The following SAMD5 variants were observed in gnomAD, a reference collection of about 807,000 sequenced individuals.
SAMD5 encodes sterile alpha motif domain-containing protein 5.
Under a neutral mutation model 11.3 loss-of-function variants are expected in SAMD5, and 13 were observed. The ratio of observed to expected loss-of-function variants is 1.15; its 90% CI spans 0.75 to 1.83. SAMD5 has a LOEUF of 1.83. Among genes scored for constraint, SAMD5 ranks in the 40% most tolerant of loss-of-function variants. SAMD5 has a pLI of 0.00. For synonymous variants in SAMD5, 129 were observed against 111.3 expected (o/e 1.16, Z -1.00); for missense variants, 255 against 239.1 (o/e 1.07, Z -0.44).
the SAMD5 span, among the ~76,000 whole-genome samples, chr6:147,751,736 A>T: frequency 1.3e-5 from 2 of 152,218 alleles, no homozygotes; most frequent in Non-Finnish European, 2.9e-5. Context: ...GGTGCAAAAG[A>T]GTTGAGTTTC....
At chr6:147,544,721 A>T (rs1182932692) in intron 1 of SAMD5, among the ~76,000 whole-genome samples, 1 of 152,078 alleles carries the variant, frequency 6.6e-6, no homozygotes, top group East Asian at 1.9e-4. Context: ...ATTCTATATG[A>T]TTTTTACTCT....
the SAMD5 span, among the ~76,000 whole-genome samples, chr6:147,788,023 CA>C: frequency 6.6e-6 from 1 of 152,146 alleles, no homozygotes; most frequent in Middle Eastern, 3.2e-3. Context: ...TAATGTGAGA[CA>C]GTAATTTGAA....
intron 1 of SAMD5, among the ~76,000 whole-genome samples, chr6:147,728,217 G>C (rs1354593259): frequency 6.6e-6 from 1 of 152,116 alleles, no homozygotes; most frequent in African/African-American, 2.4e-5. Context: ...CTTGAGGTCA[G>C]GAGTTTGAGA....
chr6:147,672,755 TC>T (rs1790812171), intron 1 of SAMD5, among the ~76,000 whole-genome samples: 1 of 152,158 alleles, frequency 6.6e-6, no homozygotes. Flanking sequence ...TACTGCTCTT[TC>T]TTGGTATTTC....
intron 1 of SAMD5, among the ~76,000 whole-genome samples, chr6:147,513,056 A>C (rs1021430721): frequency 8.6e-5 from 13 of 151,662 alleles, no homozygotes; most frequent in African/African-American, 3.2e-4. Flanking sequence ...GTGTGTGCAA[A>C]GGCCAGGAAG....
intron 1 of SAMD5, among the ~76,000 whole-genome samples, chr6:147,654,593 GT>G: frequency 6.6e-6 from 1 of 152,192 alleles, no homozygotes; most frequent in South Asian, 2.1e-4. Flanking sequence ...TTCAGAGAAT[GT>G]TTTTTCTTCC....
intron 1 of SAMD5, among the ~76,000 whole-genome samples, chr6:147,621,859 G>C (rs1326130972): frequency 1.3e-5 from 2 of 150,968 alleles, no homozygotes; most frequent in Non-Finnish European, 3.0e-5. Flanking sequence ...ACCAACTGGA[G>C]AGCCATGTGT....
chr6:147,943,366 C>G, the SAMD5 span, among the ~76,000 whole-genome samples: 9 of 152,212 alleles, frequency 5.9e-5, no homozygotes, highest in African/African-American at 2.2e-4. Flanking sequence ...ATTTGCTGCT[C>G]TAAGCTTCAA....
At chr6:147,691,809 G>A (rs1271131287) in intron 1 of SAMD5, among the ~76,000 whole-genome samples, 3 of 152,028 alleles carry the variant, frequency 2.0e-5, no homozygotes, top group Non-Finnish European at 1.5e-5. Flanking sequence ...GTCACAGGAA[G>A]TTTTTCCAGT....
chr6:147,558,903 A>T lies in SAMD5; in HGVS notation c.460-5491A>T, dbSNP rs7767875. Among the ~76,000 whole-genome samples the T allele has an allele frequency of 4.4e-3, 672 of 152,282 alleles. 4 individuals are homozygous for T. Among genetic ancestry groups the T allele is most frequent in the African/African-American group, 0.015 (633 of 41,562 alleles). ...CCATGGAATCCTTCCACTCCGCCTGAAAATATGCCCAAGCTCCCTCTTCGT... is the reference window on the plus strand; with the variant it reads ...CCATGGAATCCTTCCACTCCGCCTGTAAATATGCCCAAGCTCCCTCTTCGT... On this transcript the variant is annotated intron_variant, in intron 1 of 1. Transcript: ENST00000367474.
chr6:147,558,575 C>T (rs1442829472), intron 1 of SAMD5, among the ~76,000 whole-genome samples: 1 of 152,136 alleles, frequency 6.6e-6, no homozygotes, highest in African/African-American at 2.4e-5. Flanking sequence ...TCACAGCTCT[C>T]TTGGTGGCTA....
the SAMD5 span, among the ~76,000 whole-genome samples, chr6:147,927,572 A>G: frequency 1.3e-5 from 2 of 152,150 alleles, no homozygotes; most frequent in East Asian, 1.9e-4. Flanking sequence ...AGCTGAGACT[A>G]TGGGGTTTTC....
rs542724228 is a variant in SAMD5, at chr6:147,520,384, TG to T, written c.459+10998del. On this transcript the variant is annotated intron_variant, in intron 1 of 1. Coordinates refer to ENST00000367474, the MANE Select transcript of SAMD5 (RefSeq NM_001030060.3). Reference sequence around the variant, plus strand: ...GATCCACCTGCCTGGCCTCCCAAAGTGCTGGGATTACAGCCGCCATGCCCGG... The same window carrying T: ...GATCCACCTGCCTGGCCTCCCAAAGTCTGGGATTACAGCCGCCATGCCCGG... 1.9e-3 allele frequency among the ~76,000 whole-genome samples: 288 copies of T among 152,302 alleles called. 1 individual carries two copies. The highest frequency in any genetic ancestry group is 6.5e-3 in the African/African-American group (269 of 41,576).
chr6:147,742,710 G>A, the SAMD5 span, among the ~76,000 whole-genome samples: 1 of 152,178 alleles, frequency 6.6e-6, no homozygotes, highest in East Asian at 1.9e-4. Context: ...GAATGTAACA[G>A]AGGCTTCCCG....
intron 1 of SAMD5, among the ~76,000 whole-genome samples, chr6:147,532,631 C>T (rs1023464367): frequency 6.6e-6 from 1 of 152,126 alleles, no homozygotes; most frequent in African/African-American, 2.4e-5. Context: ...GACTTCTTTT[C>T]CTTTGGGTAG....
Position 147,509,167 on chromosome 6 carries a change from C to T in SAMD5, c.239C>T (p.Pro80Leu), listed in dbSNP as rs142462155. 1.6e-3 allele frequency: 2,144 copies of T among 1,353,612 alleles called. 43 individuals are homozygous for T. The African/African-American group carries it at 0.029, about 18-fold the overall frequency. 83.9% of individuals were successfully genotyped at this position (1,353,612 alleles called of 1,614,324 possible). Residue 80 changes from proline to leucine, a missense_variant, in exon 1 of 2, where the codon CCG becomes CTG. Physicochemically the swap from Pro to Leu is moderately conservative, Grantham distance 98. Coordinates refer to ENST00000367474, the MANE Select transcript of SAMD5 (RefSeq NM_001030060.3). ...CTCTACTTCACGCTTGAGCCGCAGC[C>T]GGCGCCCCCCGGGCCGCCCGCCGAC... is the stretch of plus-strand genomic sequence containing the variant. ...AGLYFTLEPQ[P>L]APPGPPADAV...
At chr6:147,912,927 A>G in the SAMD5 span, among the ~76,000 whole-genome samples, 42 of 152,132 alleles carry the variant, frequency 2.8e-4, no homozygotes, top group Non-Finnish European at 5.0e-4. Flanking sequence ...ATAATCCAGA[A>G]CGCAATGAAG....
the SAMD5 span, among the ~76,000 whole-genome samples, chr6:147,877,855 C>CACACACACACAT: frequency 7.0e-6 from 1 of 142,710 alleles, no homozygotes. Flanking sequence ...AATACACACA[C>CACACACACACAT]ACACACACAC....
intron 1 of SAMD5, among the ~76,000 whole-genome samples, chr6:147,731,229 C>T (rs1020775086): frequency 6.6e-6 from 1 of 152,240 alleles, no homozygotes; most frequent in East Asian, 1.9e-4. Context: ...ACCATCTCCC[C>T]ATTTGAAGTC....
Sources: allele counts gnomAD v4.1 joint callset (sites outside exome capture counted in the v4.1 genomes callset), GRCh38; gene constraint gnomAD v4.1.1; transcripts MANE v1.5; gene names NCBI Gene and HGNC (gene_info 2026-07-23, HGNC 2026-07-21).